TERF1: variants seen among roughly 807,000 people sequenced by gnomAD.
The protein encoded by TERF1 is telomeric repeat binding factor 1.
In TERF1, 20 loss-of-function variants were observed where a neutral mutation model predicts 55.1. The observed-to-expected ratio is 0.36, with a 90% CI of 0.26 to 0.53. TERF1 has a LOEUF of 0.53. Among genes scored for constraint, TERF1 ranks in the 20% least tolerant of loss-of-function variants. The probability of loss-of-function intolerance (pLI) is 0.91; values close to 1 mark genes in which losing one functional copy is unlikely to be tolerated. For synonymous variants in TERF1, 168 were observed against 181.2 expected, an observed-to-expected ratio of 0.93 and a Z score of 0.59; for missense variants, 439 against 535.7, an observed-to-expected ratio of 0.82 and a Z score of 1.78.
intron 2 of TERF1, among the ~76,000 whole-genome samples, chr8:73,017,707 CTTT>C (rs71949936): frequency 2.1e-5 from 3 of 140,218 alleles, no homozygotes; most frequent in African/African-American, 2.6e-5. Context: ...TATTTTTTTT[CTTT>C]TTTTTTTTTT....
intron 8 of TERF1, among the ~76,000 whole-genome samples, chr8:73,035,196 T>G (rs1809461919): frequency 1.3e-5 from 2 of 152,158 alleles, no homozygotes; most frequent in Admixed American, 6.5e-5. Flanking sequence ...TTGATTGACC[T>G]TAGCAAAAAT....
rs1003867345 is a variant in TERF1, at chr8:73,027,123, CTT to C, written c.887+75_887+76del. The C allele has an allele frequency of 2.3e-5, 25 of 1,073,672 alleles. No individual in the cohort carries two copies. The African/African-American group carries it at 3.2e-4, about 14-fold the overall frequency. 66.5% of individuals were successfully genotyped at this position (1,073,672 alleles called of 1,614,324 possible). A position where few individuals can be genotyped will look rare whatever the true frequency, so the allele number is the denominator to read the frequency against. On this transcript the variant is annotated intron_variant, in intron 6 of 9. Coordinates refer to ENST00000276603, the MANE Select transcript of TERF1 (RefSeq NM_017489.3). ...CTGTCTTTATGTAAAATTGATATGT[CTT>C]TTTATTAAAAATAATTATTGAGTAG... is the stretch of plus-strand genomic sequence containing the variant.
intron 5 of TERF1, among the ~76,000 whole-genome samples, chr8:73,025,213 C>G (rs1655068646): frequency 1.3e-5 from 2 of 152,130 alleles, no homozygotes; most frequent in Non-Finnish European, 2.9e-5. Context: ...GAAGGGAAAA[C>G]TTAGAATGAA....
chr8:73,034,331 C>T (rs915807719), intron 8 of TERF1, among the ~76,000 whole-genome samples: 4 of 151,822 alleles, frequency 2.6e-5, no homozygotes, highest in Admixed American at 6.6e-5. Context: ...GGGGTTTCGC[C>T]ATGTTGGCCA....
intron 8 of TERF1, among the ~76,000 whole-genome samples, chr8:73,034,855 T>A (rs1049954481): frequency 2.6e-5 from 4 of 152,112 alleles, no homozygotes; most frequent in Admixed American, 2.6e-4. Flanking sequence ...TGCCTTTGGT[T>A]ACACAGTGTA....
In TERF1 at chr8:73,045,026, T is replaced by C. The variant is rs536009626; in HGVS notation, c.1144-935T>C. ...CTCTTCAGGTCCCTGCTCTCGACTCTTTTAGATATGTACCCAGAAGTGGAA... is the reference window on the plus strand; with the variant it reads ...CTCTTCAGGTCCCTGCTCTCGACTCCTTTAGATATGTACCCAGAAGTGGAA... On this transcript the variant is annotated intron_variant, in intron 9 of 9. Transcript: ENST00000276603. 3.3e-5 allele frequency among the ~76,000 whole-genome samples: 5 copies of C among 152,314 alleles called. No homozygotes were observed. The South Asian group carries it at 1.0e-3, about 32-fold the overall frequency.
At chr8:73,033,757 CTT>C (rs1165064144) in intron 8 of TERF1, among the ~76,000 whole-genome samples, 1 of 152,126 alleles carries the variant, frequency 6.6e-6, no homozygotes, top group Non-Finnish European at 1.5e-5. Flanking sequence ...ACTATAAACT[CTT>C]TGCAAACTGG....
At chr8:73,027,200 G>T in intron 6 of TERF1, 148 bp downstream of exon 6, 2 of 625,806 alleles carry the variant, frequency 3.2e-6, no homozygotes, top group Non-Finnish European at 5.4e-6. Flanking sequence ...GTACTGTAGA[G>T]TTATTTCATG....
intron 7 of TERF1, chr8:73,031,333 G>A (rs1489602822): frequency 6.6e-6 from 1 of 152,260 alleles, no homozygotes; most frequent in Non-Finnish European, 1.5e-5. Context: ...TGACATTCTA[G>A]AAAGGACAAT....
intron 5 of TERF1, among the ~76,000 whole-genome samples, chr8:73,026,004 G>A (rs1808975555): frequency 6.6e-6 from 1 of 151,314 alleles, no homozygotes; most frequent in South Asian, 2.1e-4. Context: ...AGACCAGCCT[G>A]GGCAACATGG....
At chr8:73,045,163 A>C (rs1685384483) in intron 9 of TERF1, among the ~76,000 whole-genome samples, 1 of 152,158 alleles carries the variant, frequency 6.6e-6, no homozygotes, top group Non-Finnish European at 1.5e-5. Flanking sequence ...ACAGGTTCCA[A>C]TTTATCCATA....
intron 9 of TERF1, among the ~76,000 whole-genome samples, chr8:73,042,647 A>C (rs955764846): frequency 6.6e-6 from 1 of 152,326 alleles, no homozygotes; most frequent in East Asian, 1.9e-4. Flanking sequence ...GTATGTAATG[A>C]GAAATACTGT....
chr8:73,037,989 T>C (rs937763361), intron 8 of TERF1, among the ~76,000 whole-genome samples: 4 of 143,456 alleles, frequency 2.8e-5, no homozygotes, highest in Non-Finnish European at 6.0e-5. Context: ...TATTCCAAGG[T>C]TGGTTGAATC....
At chr8:73,023,674 G>A (rs1259366312) in intron 4 of TERF1, among the ~76,000 whole-genome samples, 2 of 152,142 alleles carry the variant, frequency 1.3e-5, no homozygotes, top group African/African-American at 4.8e-5. Context: ...GAAATATTAA[G>A]AGGTTAAGAT....
rs200166029 is a variant in TERF1, at chr8:73,009,197, G to T, written c.311G>T (p.Ser104Ile). The part of the protein sequence containing the change: ...RSEDFRRTRN[S>I]AEAIIHGLSS... Reference sequence around the variant, plus strand: ...GAGGACTTCCGCAGGACCCGCAACAGCGCAGAGGGTGAGTGCAGACCGCGT... The same window carrying T: ...GAGGACTTCCGCAGGACCCGCAACATCGCAGAGGGTGAGTGCAGACCGCGT... Residue 104 changes from serine (S) to isoleucine (I), a missense_variant, in exon 1 of 10, where the codon AGC becomes ATC. Physicochemically the swap from Ser to Ile is moderately radical, Grantham distance 142 (BLOSUM62 -2). This residue lies in a region of TERF1 where 179 missense variants were observed against 152.6 expected (regional missense o/e 1.17). Coordinates refer to ENST00000276603, the MANE Select transcript of TERF1 (RefSeq NM_017489.3). The T allele has an allele frequency of 6.8e-5, 110 of 1,610,084 alleles. No individual in the cohort carries two copies. Among genetic ancestry groups the T allele is most frequent in the Non-Finnish European group, 9.0e-5 (106 of 1,179,800 alleles).
At chr8:73,012,671 C>CAA (rs761401908) in intron 1 of TERF1, among the ~76,000 whole-genome samples, 3 of 116,094 alleles carry the variant, frequency 2.6e-5, no homozygotes, top group African/African-American at 3.2e-5. Flanking sequence ...GACTCTGTCT[C>CAA]AAAAAAAAAA....
intron 8 of TERF1, among the ~76,000 whole-genome samples, chr8:73,037,444 TTA>T (rs1189754325): frequency 1.6e-5 from 2 of 124,624 alleles, no homozygotes; most frequent in African/African-American, 3.5e-5. Flanking sequence ...ATAATATATA[TTA>T]TATATGTTAT....
At chr8:73,009,259 C>G in intron 1 of TERF1, 54 bp downstream of exon 1, 1 of 1,557,122 alleles carries the variant, frequency 6.4e-7, no homozygotes, top group Non-Finnish European at 8.7e-7. Context: ...ATGCGGGCTC[C>G]GTGGTGCGCG....
At chr8:73,028,961 A>G (rs995595691) in intron 6 of TERF1, among the ~76,000 whole-genome samples, 1 of 152,216 alleles carries the variant, frequency 6.6e-6, no homozygotes, top group African/African-American at 2.4e-5. Context: ...TACCAGGCAT[A>G]CATTAGAACT....
Sources: gnomAD v4.1 joint callset for allele counts (sites outside exome capture counted in the v4.1 genomes callset) on GRCh38, gnomAD v4.1.1 for gene constraint, gnomAD v4.1.1 regional missense constraint, MANE v1.5 for transcripts, NCBI Gene and HGNC (gene_info 2026-07-23, HGNC 2026-07-21) for gene names.